CDYL: variants seen among roughly 807,000 people sequenced by gnomAD.
The protein encoded by CDYL is chromodomain Y like.
Under a neutral mutation model 47.3 loss-of-function variants are expected in CDYL, and 8 were observed. That is an observed-to-expected ratio of 0.17 (90% CI 0.10 to 0.31). The LOEUF is 0.31. Among genes scored for constraint, CDYL ranks in the 10% least tolerant of loss-of-function variants. The probability of loss-of-function intolerance (pLI) is 1.00; values close to 1 mark genes in which losing one functional copy is unlikely to be tolerated. For missense variants in CDYL, 471 were observed against 701.4 expected (o/e 0.67, Z 3.71); for synonymous variants, 266 against 265.0 (o/e 1.00, Z -0.04).
intron 1 of CDYL, among the ~76,000 whole-genome samples, chr6:4,715,447 T>A (rs537321614): frequency 2.0e-5 from 3 of 152,384 alleles, no homozygotes; most frequent in South Asian, 2.1e-4. Context: ...TACTCTTCCA[T>A]GTATTGTAAT....
At chr6:4,931,064 G>A (rs1758021677) in intron 2 of CDYL, among the ~76,000 whole-genome samples, 1 of 152,118 alleles carries the variant, frequency 6.6e-6, no homozygotes, top group African/African-American at 2.4e-5. Context: ...TTGGGTTGAG[G>A]TAATGAGCTG....
chr6:4,720,912 T>C (rs1757356679), intron 2 of CDYL, among the ~76,000 whole-genome samples: 1 of 152,184 alleles, frequency 6.6e-6, no homozygotes, highest in Admixed American at 6.5e-5. Flanking sequence ...TTAATAAACA[T>C]ATTGCTAGTA....
At chr6:4,927,454 TG>T (rs1757911326) in intron 2 of CDYL, among the ~76,000 whole-genome samples, 1 of 151,898 alleles carries the variant, frequency 6.6e-6, no homozygotes, top group Non-Finnish European at 1.5e-5. Context: ...TGTGTGTGTG[TG>T]TGTGTCTTTT....
chr6:4,912,824 C>G (rs1255436336), intron 2 of CDYL, among the ~76,000 whole-genome samples: 1 of 152,160 alleles, frequency 6.6e-6, no homozygotes, highest in Non-Finnish European at 1.5e-5. Context: ...TCCCCCTCTT[C>G]TTATGAAGCC....
chr6:4,897,790 G>GTTTTTTTTTT lies in CDYL; in HGVS notation c.691+5414_691+5423dup, dbSNP rs375666284. On this transcript the variant is annotated intron_variant, in intron 2 of 6. Transcript: ENST00000397588. ...ATTTTCCTAGGTTTTGAAGGTTTTT[G>GTTTTTTTTTT]TTTTTTTTTTTTAAATTATCCAGGC... Among the ~76,000 whole-genome samples, 156 of 140,232 alleles carry GTTTTTTTTTT rather than the reference G, an allele frequency of 1.1e-3. 1 individual carries two copies. The Middle Eastern group carries it at 0.015, about 13-fold the overall frequency. 92.0% of individuals were successfully genotyped at this position (140,232 alleles called of 152,430 possible).
At chr6:4,734,247 C>T (rs979468628) in intron 2 of CDYL, among the ~76,000 whole-genome samples, 6 of 152,220 alleles carry the variant, frequency 3.9e-5, no homozygotes, top group African/African-American at 1.4e-4. Context: ...CAAACTCTCT[C>T]TCTGGGAGGG....
chr6:4,836,294 G>T, intron 1 of CDYL: 1 of 982,364 alleles, frequency 1.0e-6, no homozygotes, highest in Non-Finnish European at 1.2e-6. Context: ...GAAAAAAGTT[G>T]CATAGAACCA....
intron 3 of CDYL, among the ~76,000 whole-genome samples, chr6:4,740,665 C>G (rs1412078456): frequency 6.6e-6 from 1 of 152,154 alleles, no homozygotes; most frequent in Non-Finnish European, 1.5e-5. Context: ...ATACTGGACA[C>G]TGACTAGACC....
intron 1 of CDYL, among the ~76,000 whole-genome samples, chr6:4,843,433 C>G (rs1321928335): frequency 1.3e-5 from 2 of 151,338 alleles, no homozygotes; most frequent in Non-Finnish European, 2.9e-5. Context: ...TTTTAGATTT[C>G]TCTTCTTCCT....
intron 3 of CDYL, among the ~76,000 whole-genome samples, chr6:4,762,222 A>G (rs745452397): frequency 7.2e-5 from 11 of 152,230 alleles, no homozygotes; most frequent in Non-Finnish European, 1.3e-4. Context: ...AAGCACCCCT[A>G]GAGACTACAG....
chr6:4,790,549 C>G (rs1758890963), intron 1 of CDYL, among the ~76,000 whole-genome samples: 1 of 152,162 alleles, frequency 6.6e-6, no homozygotes, highest in African/African-American at 2.4e-5. Context: ...CCCTGGTCAT[C>G]ATACATGGGA....
chr6:4,827,708 C>T (rs951566956), intron 1 of CDYL, among the ~76,000 whole-genome samples: 34 of 151,954 alleles, frequency 2.2e-4, no homozygotes, highest in Non-Finnish European at 3.8e-4. Flanking sequence ...CAGGCTGGAG[C>T]GCAGTGGCAT....
At chr6:4,824,062 A>G (rs1466123196) in intron 1 of CDYL, among the ~76,000 whole-genome samples, 4 of 152,220 alleles carry the variant, frequency 2.6e-5, no homozygotes, top group Admixed American at 1.3e-4. Context: ...ATGTATCAGC[A>G]CTTTATTCCT....
chr6:4,776,172 C>T (rs1315668380), upstream of CDYL, among the ~76,000 whole-genome samples: 1 of 6,638 alleles, frequency 1.5e-4, no homozygotes, highest in East Asian at 4.0e-3. Context: ...CCCCCGCGCT[C>T]GCGGCCCCGC....
chr6:4,795,999 G>C (rs1205023889), intron 1 of CDYL, among the ~76,000 whole-genome samples: 13 of 151,968 alleles, frequency 8.6e-5, no homozygotes, highest in Non-Finnish European at 4.4e-5. Flanking sequence ...CTGTTGCCCA[G>C]GTTAGAGTGC....
intron 1 of CDYL, among the ~76,000 whole-genome samples, chr6:4,848,859 G>A (rs1760741128): frequency 6.6e-6 from 1 of 152,252 alleles, no homozygotes; most frequent in Middle Eastern, 3.2e-3. Flanking sequence ...CCTTCTTAGT[G>A]AAGGTGATAG....
In CDYL at chr6:4,917,001, A is replaced by AT. The variant is rs567086548; in HGVS notation, c.692-18509dup. On this transcript the variant is annotated intron_variant, in intron 2 of 6. Transcript: ENST00000397588. Reference sequence around the variant, plus strand: ...TTTTGTTTTTGAGGTTCCAAGTAAGATTTTTCTTTAGGAAGGAAAAAATAG... The same window carrying AT: ...TTTTGTTTTTGAGGTTCCAAGTAAGATTTTTTCTTTAGGAAGGAAAAAATAG... Among the ~76,000 whole-genome samples the AT allele has an allele frequency of 1.1e-4, 17 of 152,158 alleles. No individual in the cohort carries two copies. The South Asian group carries it at 3.3e-3, about 30-fold the overall frequency.
At chr6:4,792,714 G>A (rs1186440359) in intron 1 of CDYL, among the ~76,000 whole-genome samples, 2 of 152,096 alleles carry the variant, frequency 1.3e-5, no homozygotes, top group African/African-American at 4.8e-5. Context: ...GGGATTACAG[G>A]CATGAGCCAC....
intron 2 of CDYL, among the ~76,000 whole-genome samples, chr6:4,723,426 G>C (rs910592910): frequency 1.3e-5 from 2 of 152,168 alleles, no homozygotes; most frequent in East Asian, 1.9e-4. Context: ...CAAACTGGGC[G>C]ATCTGACGAC....
Sources: gnomAD v4.1 joint callset for allele counts (sites outside exome capture counted in the v4.1 genomes callset) on GRCh38, gnomAD v4.1.1 for gene constraint, MANE v1.5 for transcripts, NCBI Gene and HGNC (gene_info 2026-07-23, HGNC 2026-07-21) for gene names.